PTPN18: variants seen among roughly 807,000 people sequenced by gnomAD.
PTPN18 encodes the protein tyrosine-protein phosphatase non-receptor type 18.
PTPN18 carries 65 observed loss-of-function variants against 65.4 expected under a neutral mutation model. That is an observed-to-expected ratio of 0.99 (90% CI 0.81 to 1.22). The LOEUF is 1.22. Ranked by LOEUF, PTPN18 falls within the 50% of genes most tolerant of loss-of-function variation. The probability of loss-of-function intolerance (pLI) is 0.00; values close to 1 mark genes in which losing one functional copy is unlikely to be tolerated. For missense variants in PTPN18, 616 were observed against 646.5 expected (o/e 0.95, Z 0.51); for synonymous variants, 255 against 267.8 (o/e 0.95, Z 0.47).
At chr2:130,372,138 C>A in intron 12 of PTPN18, 119 bp from the exon 13 acceptor site, 1 of 970,752 alleles carries the variant, frequency 1.0e-6, no homozygotes, top group Non-Finnish European at 1.5e-6. Flanking sequence ...GCCCTCCCTC[C>A]CATCTAGCGC....
At chr2:130,370,472 G>A (rs1260621465) in intron 8 of PTPN18, 85 bp from the exon 9 acceptor site, 1 of 1,488,560 alleles carries the variant, frequency 6.7e-7, no homozygotes, top group African/African-American at 1.4e-5. Context: ...GGATCCATCA[G>A]GACCCTCACC....
chr2:130,359,373 A>G (rs183397039), intron 3 of PTPN18, 24 bp from the exon 4 acceptor site: 8 of 1,613,412 alleles, frequency 5.0e-6, no homozygotes, highest in Non-Finnish European at 6.8e-6. Context: ...GCAGAATCTC[A>G]GTCGTGAATT....
At position 130,369,821 on chromosome 2, in the gene PTPN18, C is replaced by A; in HGVS notation, c.540C>A (p.Phe180Leu). ...DIMLRTLKVT[F>L]QKESRSVYQL... Reference sequence around the variant, plus strand: ...TGCTCAGGACCCTCAAGGTCACATTCCAGAAGGTACTGTGACAGGGGAGGA... The same window carrying A: ...TGCTCAGGACCCTCAAGGTCACATTACAGAAGGTACTGTGACAGGGGAGGA... Residue 180 changes from phenylalanine to leucine, a missense_variant, in exon 7 of 15, where the codon TTC (phenylalanine) becomes TTA (leucine). Transcript: ENST00000175756. 6.3e-7 allele frequency: 1 copy of A among 1,595,862 alleles called. No individual in the cohort carries two copies. Among genetic ancestry groups the A allele is most frequent in the Non-Finnish European group, 8.6e-7 (1 of 1,163,872 alleles).
Position 130,373,343 on chromosome 2 carries a change from A to G in PTPN18, c.*119A>G. ...GCCTGGATCAAAGTTAAAGTTTCTCAGGGTGGGAAATGTGGGGGCTTTGCC... is the reference window on the plus strand; with the variant it reads ...GCCTGGATCAAAGTTAAAGTTTCTCGGGGTGGGAAATGTGGGGGCTTTGCC... On this transcript the variant is annotated 3_prime_UTR_variant, in exon 15 of 15. Coordinates refer to ENST00000175756, the MANE Select transcript of PTPN18 (RefSeq NM_014369.4). The surrounding 1 kb of genome is among the most constrained non-coding windows in gnomAD (Gnocchi z 4.1). 2 of 1,101,664 alleles carry G rather than the reference A, an allele frequency of 1.8e-6. No homozygotes were observed. The highest frequency in any genetic ancestry group is 2.5e-6 in the Non-Finnish European group (2 of 793,922). 68.2% of individuals were successfully genotyped at this position (1,101,664 alleles called of 1,614,324 possible). A position where few individuals can be genotyped will look rare whatever the true frequency, so the allele number is the denominator to read the frequency against.
Position 130,372,350 on chromosome 2 carries a change from G to A in PTPN18, c.1107G>A (p.Gly369=). The part of the protein sequence containing the change: ...KRGAPAGAGS[G]TQTGTGTGTG... Reference sequence around the variant, plus strand: ...GGGCTCCAGCGGGCGCCGGGAGTGGGACGCAGACGGGGACGGGGACGGGGA... The same window carrying A: ...GGGCTCCAGCGGGCGCCGGGAGTGGAACGCAGACGGGGACGGGGACGGGGA... The change falls in exon 13 of 15, where the codon GGG becomes GGA. Residue 369 remains glycine (G), a synonymous_variant. Coordinates refer to ENST00000175756, the MANE Select transcript of PTPN18 (RefSeq NM_014369.4). The A allele has an allele frequency of 7.2e-7, 1 of 1,387,458 alleles. No homozygotes were observed. Among genetic ancestry groups the A allele is most frequent in the South Asian group, 1.6e-5 (1 of 64,148 alleles). 85.9% of individuals were successfully genotyped at this position (1,387,458 alleles called of 1,614,324 possible).
intron 2 of PTPN18, 113 bp downstream of exon 2, chr2:130,359,088 T>C: frequency 6.9e-7 from 1 of 1,450,284 alleles, no homozygotes; most frequent in Non-Finnish European, 9.6e-7. Flanking sequence ...CCTCACCCTC[T>C]GCACTGCTCA....
Position 130,356,070 on chromosome 2 carries a change from C to A in PTPN18, c.-38C>A, listed in dbSNP as rs1408557082. The A allele has an allele frequency of 8.3e-7, 1 of 1,202,092 alleles. No homozygotes were observed. Among genetic ancestry groups the A allele is most frequent in the Non-Finnish European group, 1.0e-6 (1 of 961,742 alleles). The allele number at this position is 1,202,092 out of a possible 1,614,324, so 74.5% of individuals were successfully genotyped here. A position where few individuals can be genotyped will look rare whatever the true frequency, so the allele number is the denominator to read the frequency against. On this transcript the variant is annotated 5_prime_UTR_variant, in exon 1 of 15. Transcript: ENST00000175756. ...CCGCGGCGTCCACACTCGCCGCGCG[C>A]GCGGCGGCCGGGCTGGACCTTGCTG... is the stretch of plus-strand genomic sequence containing the variant.
chr2:130,357,902 T>G (rs1346387310), intron 1 of PTPN18, among the ~76,000 whole-genome samples: 7 of 148,532 alleles, frequency 4.7e-5, no homozygotes, highest in Non-Finnish European at 9.1e-5. Flanking sequence ...ACCTAAGTAA[T>G]TTACACACAT....
chr2:130,365,204 TC>T lies in PTPN18; in HGVS notation c.415-3928del, dbSNP rs1190272311. Reference sequence around the variant, plus strand: ...CAGTGTCAATATCAAGTGCCATGTATCAGGTTTCTACATATGCTCCATTATA... The same window carrying T: ...CAGTGTCAATATCAAGTGCCATGTATAGGTTTCTACATATGCTCCATTATA... On this transcript the variant is annotated intron_variant, in intron 5 of 14. Coordinates refer to ENST00000175756, the MANE Select transcript of PTPN18 (RefSeq NM_014369.4). Among the ~76,000 whole-genome samples the T allele has an allele frequency of 1.6e-4, 24 of 152,374 alleles. No individual in the cohort carries two copies. In the East Asian group the frequency reaches 4.6e-3, roughly 29 times the overall value.
intron 12 of PTPN18, 136 bp from the exon 13 acceptor site, chr2:130,372,121 C>T: frequency 2.5e-6 from 2 of 808,074 alleles, no homozygotes; most frequent in Non-Finnish European, 3.8e-6. Flanking sequence ...GGCCTCCAAC[C>T]CAAGGAGCCC....
chr2:130,367,306 C>T (rs1428497151), intron 5 of PTPN18, among the ~76,000 whole-genome samples: 2 of 152,074 alleles, frequency 1.3e-5, no homozygotes, highest in African/African-American at 4.8e-5. Context: ...CCGTTTCTGA[C>T]AAAATGTTGC....
At chr2:130,366,633 C>T (rs1297501630) in intron 5 of PTPN18, among the ~76,000 whole-genome samples, 2 of 152,108 alleles carry the variant, frequency 1.3e-5, no homozygotes, top group Non-Finnish European at 2.9e-5. Context: ...GAAATGGTTC[C>T]TCTCAGTTTT....
Position 130,370,025 on chromosome 2 carries a change from G to C in PTPN18, c.547-23G>C, listed in dbSNP as rs200903241. 19 of 1,610,594 alleles carry C rather than the reference G, an allele frequency of 1.2e-5. No individual in the cohort carries two copies. In the Admixed American group the frequency reaches 3.2e-4, roughly 27 times the overall value. On this transcript the variant is annotated intron_variant, in intron 7 of 14. Transcript: ENST00000175756. ...TTTTCTTTTTTTTCCTAAGTCTTTTGCTCATCTTTTTCTGTGTTTCAGGAG... is the reference window on the plus strand; with the variant it reads ...TTTTCTTTTTTTTCCTAAGTCTTTTCCTCATCTTTTTCTGTGTTTCAGGAG...
rs1281014311 is a variant in PTPN18 at position 130,374,425 on chromosome 2, C to G, written c.*1201C>G. The stretch of plus-strand genomic sequence containing the variant: ...TCAAGCAATCCTCCTGCCTCAGCCT[C>G]CCAAAGTGCTGAGATTACAGGTGTG... On this transcript the variant is annotated 3_prime_UTR_variant, in exon 15 of 15. Transcript: ENST00000175756. 1 of 304,958 alleles carries G rather than the reference C, an allele frequency of 3.3e-6. No individual in the cohort carries two copies. Among genetic ancestry groups the G allele is most frequent in the South Asian group, 2.9e-5 (1 of 34,738 alleles). 18.9% of individuals were successfully genotyped at this position (304,958 alleles called of 1,614,324 possible). A position where few individuals can be genotyped will look rare whatever the true frequency, so the allele number is the denominator to read the frequency against.
At chr2:130,363,861 G>C (rs893720914) in intron 5 of PTPN18, among the ~76,000 whole-genome samples, 1 of 151,178 alleles carries the variant, frequency 6.6e-6, no homozygotes, top group African/African-American at 2.4e-5. Flanking sequence ...GTGCCAAACT[G>C]TTTTCCACAG....
At chr2:130,361,534 C>CTTTCT (rs1452285103) in intron 5 of PTPN18, among the ~76,000 whole-genome samples, 2 of 141,562 alleles carry the variant, frequency 1.4e-5, no homozygotes, top group Admixed American at 1.4e-4. Flanking sequence ...TTCTTTCTTT[C>CTTTCT]TTTCTTTCTT....
At chr2:130,362,519 A>G (rs1680248697) in intron 5 of PTPN18, 1 of 185,546 alleles carries the variant, frequency 5.4e-6, no homozygotes, top group African/African-American at 2.4e-5. Flanking sequence ...TTTAGGGTTT[A>G]CAATATATAT....
chr2:130,359,771 G>A (rs1680137982), intron 5 of PTPN18, 125 bp downstream of exon 5: 1 of 1,174,820 alleles, frequency 8.5e-7, no homozygotes, highest in South Asian at 1.3e-5. Context: ...GTAGCTCTGT[G>A]GGAAGCCCCA....
Position 130,373,974 on chromosome 2 carries a change from C to T in PTPN18, c.*750C>T, listed in dbSNP as rs1208553203. 6.5e-6 allele frequency: 1 copy of T among 153,022 alleles called. No homozygotes were observed. The highest frequency in any genetic ancestry group is 1.5e-5 in the Non-Finnish European group (1 of 68,714). The allele number at this position is 153,022 out of a possible 1,614,324, so 9.5% of individuals were successfully genotyped here. On this transcript the variant is annotated 3_prime_UTR_variant, in exon 15 of 15. Coordinates refer to ENST00000175756, the MANE Select transcript of PTPN18 (RefSeq NM_014369.4). The surrounding 1 kb of genome is among the most constrained non-coding windows in gnomAD (Gnocchi z 4.1). ...ATACACAGAGTTCTCAGACCCCACC[C>T]CCACCCTCAGGTGGGCTGGCTGGCT... is the stretch of plus-strand genomic sequence containing the variant.
Sources: allele counts gnomAD v4.1 joint callset (sites outside exome capture counted in the v4.1 genomes callset), GRCh38; gene constraint gnomAD v4.1.1; non-coding constraint Gnocchi (gnomAD v3.1); transcripts MANE v1.5; gene names NCBI Gene and HGNC (gene_info 2026-07-23, HGNC 2026-07-21).